Variants in GNAQ observed in about 807,000 individuals in gnomAD.
GNAQ encodes guanine nucleotide-binding protein G(q) subunit alpha.
In GNAQ, 8 loss-of-function variants were observed where a neutral mutation model predicts 43.9. The observed-to-expected ratio is 0.18, with a 90% CI of 0.11 to 0.33. The LOEUF is 0.33. GNAQ is among the 10% of genes least tolerant of loss of function. GNAQ has a pLI of 1.00. For synonymous variants in GNAQ, 155 were observed against 170.7 expected (o/e 0.91, Z 0.71); for missense variants, 158 against 450.8 (o/e 0.35, Z 5.88).
At chr9:77,946,658 T>G (rs1331511136) in intron 1 of GNAQ, among the ~76,000 whole-genome samples, 2 of 152,140 alleles carry the variant, frequency 1.3e-5, no homozygotes, top group Admixed American at 1.3e-4. Flanking sequence ...AAATGAAACC[T>G]TCTCTGTATT....
chr9:77,733,282 C>G (rs949776869), intron 5 of GNAQ, among the ~76,000 whole-genome samples: 1 of 152,160 alleles, frequency 6.6e-6, no homozygotes, highest in Admixed American at 6.5e-5. Context: ...TTTAACATCT[C>G]AAATCAATTC....
At chr9:78,018,991 C>A (rs1421167015) in intron 1 of GNAQ, among the ~76,000 whole-genome samples, 3 of 152,148 alleles carry the variant, frequency 2.0e-5, no homozygotes, top group Non-Finnish European at 4.4e-5. Context: ...GTTCTCATAA[C>A]AAGCATGGCC....
chr9:77,946,024 C>T (rs747436776), intron 1 of GNAQ, among the ~76,000 whole-genome samples: 4 of 152,094 alleles, frequency 2.6e-5, no homozygotes, highest in African/African-American at 7.2e-5. Flanking sequence ...AAGTGGAGGA[C>T]GAGAGCTTGA....
chr9:77,816,540 C>A (rs73453731), intron 2 of GNAQ, among the ~76,000 whole-genome samples: 10 of 151,962 alleles, frequency 6.6e-5, no homozygotes, highest in African/African-American at 2.4e-4. Context: ...TCAAATTAGC[C>A]GGAATACACG....
At chr9:77,905,432 C>CG (rs1828690025) in intron 2 of GNAQ, among the ~76,000 whole-genome samples, 1 of 152,126 alleles carries the variant, frequency 6.6e-6, no homozygotes. Context: ...TTAAGCCCCC[C>CG]AGGTGATTCC....
chr9:77,964,777 AAATAC>A (rs1823146191), intron 1 of GNAQ, among the ~76,000 whole-genome samples: 1 of 152,224 alleles, frequency 6.6e-6, no homozygotes, highest in African/African-American at 2.4e-5. Context: ...ATTAAGTGTG[AAATAC>A]CACTGACTTG....
intron 2 of GNAQ, among the ~76,000 whole-genome samples, chr9:77,886,357 T>C (rs570955301): frequency 1.4e-3 from 207 of 150,544 alleles, no homozygotes; most frequent in Non-Finnish European, 2.5e-3. Flanking sequence ...TTTTATTAAA[T>C]TGATTTCTTA....
chr9:77,735,750 C>T (rs545662691), intron 5 of GNAQ, among the ~76,000 whole-genome samples: 17 of 152,282 alleles, frequency 1.1e-4, no homozygotes, highest in South Asian at 2.1e-4. Flanking sequence ...GTGCTCCAGA[C>T]GATCTGGCAG....
chr9:77,788,025 C>T (rs1463593690), intron 5 of GNAQ, among the ~76,000 whole-genome samples: 1 of 152,218 alleles, frequency 6.6e-6, no homozygotes, highest in African/African-American at 2.4e-5. Flanking sequence ...GAGTGAAACT[C>T]TGTCTCAAAA....
intron 1 of GNAQ, among the ~76,000 whole-genome samples, chr9:78,027,139 T>C (rs1823992780): frequency 6.6e-6 from 1 of 152,226 alleles, no homozygotes; most frequent in Non-Finnish European, 1.5e-5. Context: ...TGTAATACAC[T>C]GGTTCAATGT....
chr9:77,926,261 G>A (rs1177971715), intron 1 of GNAQ, among the ~76,000 whole-genome samples: 1 of 151,976 alleles, frequency 6.6e-6, no homozygotes, highest in African/African-American at 2.4e-5. Context: ...AGTTTGAAAT[G>A]GCCATTTTAA....
At chr9:77,748,132 C>A (rs1229570460) in intron 5 of GNAQ, among the ~76,000 whole-genome samples, 1 of 152,270 alleles carries the variant, frequency 6.6e-6, no homozygotes, top group South Asian at 2.1e-4. Flanking sequence ...CTCTATCTAA[C>A]ATTTTCAGAT....
At position 77,849,326 on chromosome 9, in the gene GNAQ, T is replaced by A. The variant is rs547603385; in HGVS notation, c.322-33556A>T. ...AATAGAAATAATAAGAGTTTTTTTT[T>A]ATTTTACCAGAGATTTTATAGACCT... On this transcript the variant is annotated intron_variant, in intron 2 of 6. Transcript: ENST00000286548. Among the ~76,000 whole-genome samples the A allele has an allele frequency of 2.0e-5, 3 of 152,314 alleles. No homozygotes were observed. The East Asian group carries it at 5.8e-4, about 29-fold the overall frequency.
Position 77,718,726 on chromosome 9 carries a change from A to ATTTTTTTTTTTTTTTT in GNAQ, c.*2581_*2596dup, listed in dbSNP as rs754786107. On this transcript the variant is annotated 3_prime_UTR_variant, in exon 7 of 7. Coordinates refer to ENST00000286548, the MANE Select transcript of GNAQ (RefSeq NM_002072.5). ...GTAGGCCTTCAAATGTTGTTGTTTA[A>ATTTTTTTTTTTTTTTT]TTTTTTTTTTTTTTTTTTTTTTTTT... 1.7e-4 allele frequency: 20 copies of ATTTTTTTTTTTTTTTT among 114,382 alleles called. 1 individual carries two copies. Among genetic ancestry groups the ATTTTTTTTTTTTTTTT allele is most frequent in the Non-Finnish European group, 2.5e-4 (16 of 64,358 alleles). 7.1% of individuals were successfully genotyped at this position (114,382 alleles called of 1,614,324 possible). A position where few individuals can be genotyped will look rare whatever the true frequency, so the allele number is the denominator to read the frequency against.
At chr9:77,891,709 C>G (rs1236811675) in intron 2 of GNAQ, among the ~76,000 whole-genome samples, 1 of 152,174 alleles carries the variant, frequency 6.6e-6, no homozygotes, top group African/African-American at 2.4e-5. Context: ...CTTTGAAAGC[C>G]GTACTAGTTC....
intron 1 of GNAQ, among the ~76,000 whole-genome samples, chr9:77,975,536 C>CTT (rs34636918): frequency 1.5e-3 from 168 of 115,232 alleles, no homozygotes; most frequent in Middle Eastern, 4.9e-3. Flanking sequence ...TCAGCCCCCC[C>CTT]TTTTTTTTTT....
chr9:77,865,374 C>T (rs866627192), intron 2 of GNAQ, among the ~76,000 whole-genome samples: 1 of 152,186 alleles, frequency 6.6e-6, no homozygotes, highest in African/African-American at 2.4e-5. Flanking sequence ...TAAACTCATG[C>T]AGTAAGAAAG....
chr9:77,957,447 T>C (rs1823056953), intron 1 of GNAQ, among the ~76,000 whole-genome samples: 1 of 152,146 alleles, frequency 6.6e-6, no homozygotes, highest in African/African-American at 2.4e-5. Flanking sequence ...TGCTTGCCCC[T>C]ATCCCTGGAG....
intron 6 of GNAQ, among the ~76,000 whole-genome samples, chr9:77,725,330 T>C (rs1825381138): frequency 6.6e-6 from 1 of 151,926 alleles, no homozygotes; most frequent in Admixed American, 6.6e-5. Flanking sequence ...TGGCATTCAT[T>C]ATGATTAAGA....
Sources: allele counts gnomAD v4.1 joint callset (sites outside exome capture counted in the v4.1 genomes callset), GRCh38; gene constraint gnomAD v4.1.1; transcripts MANE v1.5; gene names NCBI Gene and HGNC (gene_info 2026-07-23, HGNC 2026-07-21).